The following BEST1 variants were observed in gnomAD, a reference collection of about 807,000 sequenced individuals.
The protein encoded by BEST1 is bestrophin-1.
BEST1 carries 58 observed loss-of-function variants against 63.3 expected under a neutral mutation model. The ratio of observed to expected loss-of-function variants is 0.92; its 90% CI spans 0.74 to 1.14. The LOEUF (loss-of-function observed/expected upper bound fraction) is 1.14. Among genes scored for constraint, BEST1 ranks in the 50% most tolerant of loss-of-function variants. The pLI, the probability that BEST1 is intolerant of heterozygous loss-of-function variation, is 0.00. For synonymous variants in BEST1, 283 were observed against 291.6 expected (o/e 0.97, Z 0.30); for missense variants, 671 against 740.1 (o/e 0.91, Z 1.08).
chr11:61,958,452 C>A (rs911114806), intron 7 of BEST1, 154 bp downstream of exon 7: 16 of 1,527,060 alleles, frequency 1.0e-5, no homozygotes, highest in African/African-American at 1.4e-5. Flanking sequence ...CCCAGCTACT[C>A]GGGAGGCTGA....
In BEST1 at chr11:61,956,857, G is replaced by A. The variant is rs182941675; in HGVS notation, c.495G>A (p.Pro165=). The change falls in exon 5 of 11, where the codon CCG becomes CCA. Residue 165 remains proline, a synonymous_variant. Coordinates refer to ENST00000378043, the MANE Select transcript of BEST1 (RefSeq NM_004183.4). ...TCCACTCTGCAGGCTTTATGACTCC[G>A]GCAGAACACAAGCAGTTGGAGAAAC... The part of the protein sequence containing the change: ...QHLVQAGFMT[P]AEHKQLEKLS... The A allele has an allele frequency of 2.2e-4, 350 of 1,614,068 alleles. 3 individuals carry two copies. In the East Asian group the frequency reaches 6.3e-3, roughly 29 times the overall value.
chr11:61,962,094 G>A, intron 9 of BEST1, 161 bp from the exon 10 acceptor site: 1 of 719,988 alleles, frequency 1.4e-6, no homozygotes, highest in Non-Finnish European at 2.4e-6. Flanking sequence ...GGGAGGTACA[G>A]GACAGATCAG....
Position 61,955,124 on chromosome 11 carries a change from A to AAC in BEST1, c.172_173dup (p.Gln58HisfsTer4), listed in dbSNP as rs672601356. 2.5e-6 allele frequency: 4 copies of AAC among 1,613,194 alleles called. No individual in the cohort carries two copies. Among genetic ancestry groups the AAC allele is most frequent in the Non-Finnish European group, 3.4e-6 (4 of 1,179,162 alleles). ...ACCCCCAGGCTGGCCCTCACGGAAG[A>AAC]ACAACAGCTGATGTTTGAGAAACTG... On this transcript the variant is annotated frameshift_variant, in exon 3 of 11. Coordinates refer to ENST00000378043, the MANE Select transcript of BEST1 (RefSeq NM_004183.4). LOFTEE classifies it high-confidence loss of function.
intron 5 of BEST1, 148 bp downstream of exon 5, chr11:61,957,146 C>A (rs1037072548): frequency 2.7e-5 from 35 of 1,276,942 alleles, no homozygotes; most frequent in Middle Eastern, 2.6e-4. Context: ...CAACAGCAAT[C>A]CACAGCCCGA....
At chr11:61,952,770 C>T (rs1940848527) in intron 2 of BEST1, among the ~76,000 whole-genome samples, 1 of 151,958 alleles carries the variant, frequency 6.6e-6, no homozygotes, top group Non-Finnish European at 1.5e-5. Flanking sequence ...AGCCACCATG[C>T]ACAGCCCACA....
At chr11:61,960,596 C>T (rs1941966168) in intron 9 of BEST1, 1 of 160,436 alleles carries the variant, frequency 6.2e-6, no homozygotes, top group Non-Finnish European at 1.4e-5. Flanking sequence ...GTCTCCAACT[C>T]CTGACCAGTA....
rs1942215474 is a variant in BEST1 at position 61,962,818 on chromosome 11, C to T, written c.1664C>T (p.Pro555Leu). ...PEIPENHLKE[P>L]LEQSPTNIHT... ...ATCCCCGAAAATCACCTCAAAGAAC[C>T]TTTGGAACAATCACCAACCAACATA... Residue 555 changes from proline to leucine, a missense_variant, in exon 10 of 11, where the codon CCT (proline) becomes CTT (leucine). By Grantham distance (98) the Pro-to-Leu change is moderately conservative (BLOSUM62 -3). Coordinates refer to ENST00000378043, the MANE Select transcript of BEST1 (RefSeq NM_004183.4). The T allele has an allele frequency of 3.7e-6, 6 of 1,614,072 alleles. No homozygotes were observed. The highest frequency in any genetic ancestry group is 4.2e-6 in the Non-Finnish European group (5 of 1,180,042).
At chr11:61,955,078 C>A in intron 2 of BEST1, 29 bp from the exon 3 acceptor site, 1 of 1,612,890 alleles carries the variant, frequency 6.2e-7, no homozygotes, top group East Asian at 2.2e-5. Context: ...GCTGCGTCCA[C>A]ACAATTCCAC....
intron 10 of BEST1, 33 bp from the exon 11 acceptor site, chr11:61,964,071 T>A (rs894633441): frequency 1.2e-6 from 2 of 1,612,990 alleles, no homozygotes; most frequent in Admixed American, 3.3e-5. Flanking sequence ...GGACCTTCCA[T>A]ACTTATGCTG....
chr11:61,956,756 G>A (rs2134436527), intron 4 of BEST1, 88 bp from the exon 5 acceptor site: 2 of 1,515,372 alleles, frequency 1.3e-6, no homozygotes, highest in Non-Finnish European at 1.8e-6. Context: ...GATGGCAAAG[G>A]AGTGCTGAGG....
Position 61,962,289 on chromosome 11 carries a change from CAGG to C in BEST1, c.1140_1142del (p.Glu380del). On this transcript the variant is annotated inframe_deletion, in exon 10 of 11. Coordinates refer to ENST00000378043, the MANE Select transcript of BEST1 (RefSeq NM_004183.4). Reference sequence around the variant, plus strand: ...AGAGGAGATGGAGTTCCAGCCCAATCAGGAGGACGAGGAGGATGCTCACGCTGG... The same window carrying C: ...AGAGGAGATGGAGTTCCAGCCCAATCAGGACGAGGAGGATGCTCACGCTGG... The C allele has an allele frequency of 6.2e-7, 1 of 1,614,162 alleles. No individual in the cohort carries two copies.
In BEST1 at chr11:61,960,055, G is replaced by A. The variant is rs1167421641; in HGVS notation, c.1100+12G>A. On this transcript the variant is annotated intron_variant, in intron 9 of 10. Coordinates refer to ENST00000378043, the MANE Select transcript of BEST1 (RefSeq NM_004183.4). ...ACCTTCAACATCAGGTGTGGCCAGAGCCAGGGGGCTGGGTGGGAAGCCCCT... is the reference window on the plus strand; with the variant it reads ...ACCTTCAACATCAGGTGTGGCCAGAACCAGGGGGCTGGGTGGGAAGCCCCT... 5.6e-6 allele frequency: 9 copies of A among 1,605,226 alleles called. No individual in the cohort carries two copies. Among genetic ancestry groups the A allele is most frequent in the East Asian group, 2.2e-5 (1 of 44,730 alleles).
chr11:61,963,374 G>C (rs1402360881), intron 10 of BEST1: 4 of 1,262,514 alleles, frequency 3.2e-6, no homozygotes, highest in Non-Finnish European at 4.0e-6. Flanking sequence ...CTCACTCCTA[G>C]GAACTGGTAG....
Position 61,955,735 on chromosome 11 carries a change from G to A in BEST1, c.265G>A (p.Val89Ile), listed in dbSNP as rs1941250172. Residue 89 changes from valine to isoleucine, a missense_variant, in exon 4 of 11, where the codon GTC becomes ATC. Val to Ile is a conservative substitution (Grantham distance 29). Coordinates refer to ENST00000378043, the MANE Select transcript of BEST1 (RefSeq NM_004183.4). ...CTGCCCAGGCTTCTACGTGACGCTG[G>A]TCGTGACCCGCTGGTGGAACCAGTA... ...SFVLGFYVTL[V>I]VTRWWNQYEN... The A allele has an allele frequency of 6.5e-7, 1 of 1,548,264 alleles. No homozygotes were observed. The highest frequency in any genetic ancestry group is 8.7e-7 in the Non-Finnish European group (1 of 1,146,812).
intron 10 of BEST1, 96 bp from the exon 11 acceptor site, chr11:61,964,008 G>A (rs1942348991): frequency 1.2e-5 from 18 of 1,536,848 alleles, no homozygotes; most frequent in Non-Finnish European, 1.5e-5. Flanking sequence ...AAAAAAAAAG[G>A]ATCGTCTCAA....
intron 9 of BEST1, 77 bp from the exon 10 acceptor site, chr11:61,962,178 G>C (rs901659175): frequency 1.1e-5 from 17 of 1,515,472 alleles, no homozygotes; most frequent in Admixed American, 1.7e-5. Context: ...AGAGAGGAGC[G>C]GGGGTAAGGG....
downstream of BEST1, chr11:61,965,491 C>T (rs1181573342): frequency 6.2e-7 from 1 of 1,603,494 alleles, no homozygotes; most frequent in Non-Finnish European, 8.5e-7. Context: ...TTCAAAGCCA[C>T]ATCATCGCGG....
chr11:61,962,554 C>A lies in BEST1; in HGVS notation c.1400C>A (p.Ala467Asp), dbSNP rs771979550. Reference protein sequence around the residue: ...PLYQRPGYYSAPQTPLSPTPM... With the variant: ...PLYQRPGYYSDPQTPLSPTPM... Reference sequence around the variant, plus strand: ...TATCAGAGGCCAGGCTACTACAGTGCCCCACAGACGCCCCTCAGCCCCACT... The same window carrying A: ...TATCAGAGGCCAGGCTACTACAGTGACCCACAGACGCCCCTCAGCCCCACT... Residue 467 changes from alanine (A) to aspartate (D), a missense_variant, in exon 10 of 11, where the codon GCC (alanine) becomes GAC (aspartate). Physicochemically the swap from Ala to Asp is moderately radical, Grantham distance 126. Transcript: ENST00000378043. 6.2e-7 allele frequency: 1 copy of A among 1,614,048 alleles called. No individual in the cohort carries two copies. Among genetic ancestry groups the A allele is most frequent in the African/African-American group, 1.3e-5 (1 of 74,914 alleles).
chr11:61,964,779 G>C, downstream of BEST1: 2 of 1,599,692 alleles, frequency 1.3e-6, no homozygotes, highest in Non-Finnish European at 1.7e-6. Context: ...GAGATATTCC[G>C]CCAAGCCAGA....
Sources: gnomAD v4.1 joint callset for allele counts (sites outside exome capture counted in the v4.1 genomes callset) on GRCh38, gnomAD v4.1.1 for gene constraint, MANE v1.5 for transcripts, NCBI Gene and HGNC (gene_info 2026-07-23, HGNC 2026-07-21) for gene names.